MED12L: variants seen among roughly 807,000 people sequenced by gnomAD.
MED12L encodes mediator of RNA polymerase II transcription subunit 12-like protein.
Under a neutral mutation model 281.3 loss-of-function variants are expected in MED12L, and 60 were observed. The observed-to-expected ratio is 0.21, with a 90% CI of 0.17 to 0.26. The LOEUF (loss-of-function observed/expected upper bound fraction) is 0.26, where lower values mean the gene tolerates loss of function less well. MED12L is among the 10% of genes least tolerant of loss of function. MED12L has a pLI of 1.00. For missense variants in MED12L, 2,146 were observed against 2,680.9 expected, an observed-to-expected ratio of 0.80 and a Z score of 4.41; for synonymous variants, 974 against 987.2, an observed-to-expected ratio of 0.99 and a Z score of 0.25.
At chr3:151,111,970 A>T (rs1315471818) in intron 2 of MED12L, among the ~76,000 whole-genome samples, 1 of 152,062 alleles carries the variant, frequency 6.6e-6, no homozygotes, top group South Asian at 2.1e-4. Context: ...GAAACCTTCA[A>T]CTGTTTTTTT....
intron 16 of MED12L, among the ~76,000 whole-genome samples, chr3:151,260,269 C>A (rs1738611303): frequency 6.6e-6 from 1 of 152,166 alleles, no homozygotes; most frequent in Non-Finnish European, 1.5e-5. Context: ...GTTGATACAG[C>A]CAAAATGCAT....
intron 16 of MED12L, among the ~76,000 whole-genome samples, chr3:151,251,271 C>T (rs2149449938): frequency 6.6e-6 from 1 of 152,318 alleles, no homozygotes; most frequent in African/African-American, 2.4e-5. Flanking sequence ...TCTTCCTACT[C>T]AATGTGTCTC....
At chr3:151,420,002 C>T (rs1577609819) in intron 43 of MED12L, among the ~76,000 whole-genome samples, 2 of 152,324 alleles carry the variant, frequency 1.3e-5, no homozygotes, top group East Asian at 3.9e-4. Flanking sequence ...TCTTCTGCTA[C>T]CCATTCTGTA....
At chr3:151,248,850 A>G (rs932117905) in intron 16 of MED12L, 2 of 152,098 alleles carry the variant, frequency 1.3e-5, no homozygotes, top group East Asian at 1.9e-4. Context: ...CATTAGATGG[A>G]ATTTTCTTAC....
At chr3:151,376,937 G>A (rs1269286924) in intron 29 of MED12L, 54 bp from the exon 30 acceptor site, 7 of 1,610,416 alleles carry the variant, frequency 4.3e-6, no homozygotes, top group African/African-American at 4.0e-5. Context: ...ACACGTTGAT[G>A]TTTGAGGATA....
chr3:151,191,836 G>T (rs1724022016), intron 14 of MED12L, among the ~76,000 whole-genome samples: 1 of 152,090 alleles, frequency 6.6e-6, no homozygotes, highest in Non-Finnish European at 1.5e-5. Flanking sequence ...AACCCGGGAG[G>T]TGGAGGTTGC....
At chr3:151,293,468 G>A (rs2149682957) in intron 16 of MED12L, among the ~76,000 whole-genome samples, 1 of 152,154 alleles carries the variant, frequency 6.6e-6, no homozygotes, top group Middle Eastern at 3.4e-3. Flanking sequence ...GGTGAGGCAT[G>A]AAGCACAGAG....
intron 2 of MED12L, among the ~76,000 whole-genome samples, chr3:151,115,667 AT>A (rs777110867): frequency 6.6e-6 from 1 of 152,026 alleles, no homozygotes; most frequent in Non-Finnish European, 1.5e-5. Context: ...TCTTAAAAAA[AT>A]CCTATCATTT....
intron 38 of MED12L, among the ~76,000 whole-genome samples, chr3:151,391,311 T>C (rs997018633): frequency 2.6e-5 from 4 of 152,200 alleles, no homozygotes; most frequent in African/African-American, 9.6e-5. Context: ...GCATTTGTGC[T>C]TGCTGACCCC....
intron 16 of MED12L, among the ~76,000 whole-genome samples, chr3:151,305,185 C>T (rs1298254562): frequency 1.3e-5 from 2 of 152,208 alleles, no homozygotes; most frequent in Non-Finnish European, 2.9e-5. Context: ...AAGATTGCTT[C>T]AGTGGTAGTA....
Position 151,116,422 on chromosome 3 carries a change from A to G in MED12L, c.184A>G (p.Ile62Val). The G allele has an allele frequency of 1.2e-6, 2 of 1,611,738 alleles. No homozygotes were observed. Among genetic ancestry groups the G allele is most frequent in the Non-Finnish European group, 1.7e-6 (2 of 1,178,164 alleles). ...AGATGAACATGGCTCAGCCAGAAAT[A>G]TTGTAATTAACCCATCAAAGGTAAT... ...TGDEHGSARN[I>V]VINPSKIGAY... The change falls in exon 3 of 45, where the codon ATT (isoleucine) becomes GTT (valine). Residue 62 changes from isoleucine to valine, a missense_variant. Transcript: ENST00000687756.
intron 43 of MED12L, among the ~76,000 whole-genome samples, chr3:151,419,340 C>T (rs1261416725): frequency 6.6e-6 from 1 of 152,162 alleles, no homozygotes; most frequent in Non-Finnish European, 1.5e-5. Flanking sequence ...AGTCCAAGTT[C>T]CAAAACTGAA....
intron 5 of MED12L, among the ~76,000 whole-genome samples, chr3:151,138,001 A>G (rs748331711): frequency 6.6e-6 from 1 of 152,144 alleles, no homozygotes; most frequent in South Asian, 2.1e-4. Flanking sequence ...TTTTGCTTCT[A>G]TCTCCATCTT....
intron 16 of MED12L, chr3:151,336,517 C>T (rs1394623238): frequency 2.2e-6 from 1 of 456,544 alleles, no homozygotes. Context: ...GTATTGATGT[C>T]TGTTCCTCCT....
chr3:151,432,744 C>T lies in MED12L; in HGVS notation c.6491-8C>T, dbSNP rs750353635. The stretch of plus-strand genomic sequence containing the variant: ...TGTAATTTTGGTTCAATTTATTTTT[C>T]TCCTTAGGCAACCAGCCACAGCAAG... On this transcript the variant is annotated splice_polypyrimidine_tract_variant and splice_region_variant and intron_variant, in intron 44 of 44. Transcript: ENST00000687756. The T allele has an allele frequency of 3.1e-6, 5 of 1,611,400 alleles. No individual in the cohort carries two copies. The highest frequency in any genetic ancestry group is 3.4e-6 in the Non-Finnish European group (4 of 1,178,414).
intron 16 of MED12L, among the ~76,000 whole-genome samples, chr3:151,240,528 A>C (rs765192475): frequency 2.0e-5 from 3 of 152,254 alleles, no homozygotes; most frequent in Non-Finnish European, 2.9e-5. Flanking sequence ...GTGGGACAGA[A>C]GAGGGTCACA....
chr3:151,368,006 A>C, intron 24 of MED12L, 144 bp from the exon 25 acceptor site: 1 of 820,010 alleles, frequency 1.2e-6, no homozygotes, highest in Non-Finnish European at 1.9e-6. Flanking sequence ...AAGATTTCTC[A>C]GAAAAATAGC....
At chr3:151,348,573 C>CTT (rs542135245) in intron 16 of MED12L, among the ~76,000 whole-genome samples, 18 of 132,414 alleles carry the variant, frequency 1.4e-4, no homozygotes, top group African/African-American at 3.3e-4. Flanking sequence ...CTCCTAGCTT[C>CTT]TTTTTTTTTT....
chr3:151,086,618 A>G (rs1719246778), intron 1 of MED12L, 180 bp from the exon 2 acceptor site: 1 of 249,242 alleles, frequency 4.0e-6, no homozygotes, highest in Non-Finnish European at 7.7e-6. Context: ...AGGGGGGAGC[A>G]GAGGAGGCAG....
Sources: allele counts gnomAD v4.1 joint callset (sites outside exome capture counted in the v4.1 genomes callset), GRCh38; gene constraint gnomAD v4.1.1; transcripts MANE v1.5; gene names NCBI Gene and HGNC (gene_info 2026-07-23, HGNC 2026-07-21).